Variants in PTPRD observed in about 807,000 individuals in gnomAD.
PTPRD encodes protein tyrosine phosphatase receptor type D, also known as receptor-type tyrosine-protein phosphatase delta.
Under a neutral mutation model 214.5 loss-of-function variants are expected in PTPRD, and 34 were observed. That is an observed-to-expected ratio of 0.16 (90% CI 0.12 to 0.21). The LOEUF (loss-of-function observed/expected upper bound fraction) is 0.21. Ranked by LOEUF, PTPRD falls within the 10% of genes least tolerant of loss-of-function variation. The pLI, the probability that PTPRD is intolerant of heterozygous loss-of-function variation, is 1.00. For synonymous variants in PTPRD, 1,128 were observed against 845.7 expected (o/e 1.33, Z -5.79); for missense variants, 2,545 against 2,398.7 (o/e 1.06, Z -1.27).
chr9:8,396,857 T>C (rs1168600467), intron 36 of PTPRD, among the ~76,000 whole-genome samples: 1 of 152,140 alleles, frequency 6.6e-6, no homozygotes, highest in Non-Finnish European at 1.5e-5. Flanking sequence ...AAGTGCTATC[T>C]ACCTTTCTAT....
intron 11 of PTPRD, among the ~76,000 whole-genome samples, chr9:8,782,946 C>T (rs1223130703): frequency 6.6e-6 from 1 of 152,016 alleles, no homozygotes; most frequent in Non-Finnish European, 1.5e-5. Context: ...CAGAAAAGCT[C>T]CAAATAGGTA....
intron 3 of PTPRD, among the ~76,000 whole-genome samples, chr9:10,289,261 A>G (rs969912389): frequency 2.0e-5 from 3 of 152,136 alleles, no homozygotes; most frequent in African/African-American, 7.2e-5. Flanking sequence ...TATTAACAGG[A>G]TCTATGTGTC....
At chr9:9,310,086 C>G (rs1456375537) in intron 9 of PTPRD, among the ~76,000 whole-genome samples, 2 of 152,146 alleles carry the variant, frequency 1.3e-5, no homozygotes, top group Admixed American at 6.5e-5. Context: ...AAGAAACTTT[C>G]ACAGAGGAGT....
chr9:9,769,354 C>G (rs1344137374), intron 5 of PTPRD, among the ~76,000 whole-genome samples: 1 of 99,880 alleles, frequency 1.0e-5, no homozygotes, highest in Non-Finnish European at 1.8e-5. Flanking sequence ...GAGATGGAGT[C>G]TCACTGTGTC....
At chr9:9,782,264 A>G (rs1197505299) in intron 5 of PTPRD, among the ~76,000 whole-genome samples, 3 of 152,178 alleles carry the variant, frequency 2.0e-5, no homozygotes, top group African/African-American at 7.2e-5. Flanking sequence ...GTCATAAGAT[A>G]TACTGTCTTA....
intron 3 of PTPRD, among the ~76,000 whole-genome samples, chr9:10,266,910 G>T (rs189080858): frequency 1.0e-3 from 159 of 152,142 alleles, no homozygotes; most frequent in African/African-American, 3.6e-3. Context: ...TAGTCAGGGG[G>T]TTGGGCATGG....
chr9:10,252,568 T>C (rs910505834), intron 3 of PTPRD, among the ~76,000 whole-genome samples: 3 of 152,128 alleles, frequency 2.0e-5, no homozygotes. Context: ...ATTATTATTC[T>C]GATATTATAT....
At chr9:9,862,169 G>C (rs1346114867) in intron 5 of PTPRD, among the ~76,000 whole-genome samples, 1 of 151,132 alleles carries the variant, frequency 6.6e-6, no homozygotes, top group Non-Finnish European at 1.5e-5. Context: ...CAGTATTAAA[G>C]ACACCTCTTG....
chr9:8,661,917 T>C (rs2097063579), intron 12 of PTPRD, among the ~76,000 whole-genome samples: 1 of 152,158 alleles, frequency 6.6e-6, no homozygotes. Flanking sequence ...CACGGATCTA[T>C]TTATTTATTT....
chr9:10,331,801 A>G (rs947679011), intron 3 of PTPRD, among the ~76,000 whole-genome samples: 6 of 152,024 alleles, frequency 3.9e-5, no homozygotes, highest in African/African-American at 1.4e-4. Context: ...ATGAAAAAAT[A>G]CCTCTTAGAT....
chr9:8,926,609 T>G (rs2098896074), intron 11 of PTPRD, among the ~76,000 whole-genome samples: 1 of 152,192 alleles, frequency 6.6e-6, no homozygotes, highest in South Asian at 2.1e-4. Context: ...TGGGACTGTA[T>G]GTTCTCCATG....
At chr9:9,288,044 T>A (rs1055302295) in intron 9 of PTPRD, among the ~76,000 whole-genome samples, 7 of 151,832 alleles carry the variant, frequency 4.6e-5, no homozygotes, top group Admixed American at 3.3e-4. Context: ...CAAGATTTCC[T>A]ATTAATATTT....
chr9:9,841,979 G>T (rs1184868915), intron 5 of PTPRD, among the ~76,000 whole-genome samples: 2 of 151,868 alleles, frequency 1.3e-5, no homozygotes, highest in Non-Finnish European at 2.9e-5. Context: ...GCTAGGACAA[G>T]GAAGTAGGAT....
At chr9:9,448,830 G>C (rs1322913639) in intron 8 of PTPRD, among the ~76,000 whole-genome samples, 3 of 151,994 alleles carry the variant, frequency 2.0e-5, no homozygotes, top group Admixed American at 1.3e-4. Context: ...TGTGGTATAG[G>C]TTGTGATTAA....
chr9:8,831,015 G>C (rs1470867384), intron 11 of PTPRD, among the ~76,000 whole-genome samples: 3 of 152,146 alleles, frequency 2.0e-5, no homozygotes, highest in African/African-American at 7.2e-5. Context: ...GAGGAATTTT[G>C]ATGATCCAGC....
chr9:9,404,498 G>C (rs1021367593), intron 8 of PTPRD, among the ~76,000 whole-genome samples: 2 of 152,076 alleles, frequency 1.3e-5, no homozygotes, highest in Non-Finnish European at 2.9e-5. Context: ...TGGAATATTA[G>C]TAACTAAGTG....
intron 2 of PTPRD, among the ~76,000 whole-genome samples, chr9:10,476,641 T>A (rs1314165394): frequency 6.6e-6 from 1 of 152,118 alleles, no homozygotes; most frequent in Non-Finnish European, 1.5e-5. Context: ...AAAACTAATT[T>A]AAATTTTATA....
At chr9:10,578,969 G>T (rs1488514610) in intron 2 of PTPRD, among the ~76,000 whole-genome samples, 1 of 151,726 alleles carries the variant, frequency 6.6e-6, no homozygotes, top group Non-Finnish European at 1.5e-5. Flanking sequence ...GGTTTGTTAC[G>T]TAGGTATACA....
At chr9:8,661,369 T>C (rs868188447) in intron 12 of PTPRD, among the ~76,000 whole-genome samples, 2 of 151,942 alleles carry the variant, frequency 1.3e-5, no homozygotes, top group South Asian at 2.1e-4. Context: ...TTACCAATTA[T>C]AGCAGAAGGT....
Sources: gnomAD v4.1 joint callset for allele counts (sites outside exome capture counted in the v4.1 genomes callset) on GRCh38, gnomAD v4.1.1 for gene constraint, MANE v1.5 for transcripts, NCBI Gene and HGNC (gene_info 2026-07-23, HGNC 2026-07-21) for gene names.